SIRT3: variants seen among roughly 807,000 people sequenced by gnomAD.
The protein encoded by SIRT3 is sirtuin 3, also known as NAD-dependent protein deacetylase sirtuin-3, mitochondrial.
In SIRT3, 26 loss-of-function variants were observed where a neutral mutation model predicts 33.5. The observed-to-expected ratio is 0.78, with a 90% confidence interval of 0.57 to 1.08. The LOEUF is 1.08. Ranked by LOEUF, SIRT3 falls within the 50% of genes least tolerant of loss-of-function variation. SIRT3 has a pLI of 0.00. For missense variants in SIRT3, 585 were observed against 530.1 expected, an observed-to-expected ratio of 1.10 and a Z score of -1.02; for synonymous variants, 237 against 222.1, an observed-to-expected ratio of 1.07 and a Z score of -0.60.
chr11:216,184 T>C lies in SIRT3; in HGVS notation c.*514A>G, dbSNP rs1855627053. On this transcript the variant is annotated 3_prime_UTR_variant, in exon 7 of 7. Coordinates refer to ENST00000382743, the MANE Select transcript of SIRT3 (RefSeq NM_012239.6). ...TATTTCATGCTGGAAAGAACAGATT[T>C]TCTCTCATTAAAAATAGCCCCACTA... 1 of 154,118 alleles carries C rather than the reference T, an allele frequency of 6.5e-6. No individual in the cohort carries two copies. The highest frequency in any genetic ancestry group is 2.4e-5 in the African/African-American group (1 of 41,480). 9.5% of individuals were successfully genotyped at this position (154,118 alleles called of 1,614,324 possible).
chr11:223,606 T>G lies in SIRT3; in HGVS notation c.969+472A>C. On this transcript the variant is annotated intron_variant, in intron 5 of 6. Transcript: ENST00000382743. This position sits in a 1 kb window ranked among gnomAD's most constrained non-coding sequence, Gnocchi z 4.8. ...ACCTGGGAGGCCCTGCCCCTCCACC[T>G]CGCCCCCACACCCCCATCCTTCTCC... The G allele has an allele frequency of 2.9e-6, 1 of 349,638 alleles. No homozygotes were observed. The allele number at this position is 349,638 out of a possible 1,614,324, so 21.7% of individuals were successfully genotyped here. A position where few individuals can be genotyped will look rare whatever the true frequency, so the allele number is the denominator to read the frequency against.
At chr11:235,885 C>T (rs1021562245) in intron 1 of SIRT3, among the ~76,000 whole-genome samples, 163 bp downstream of exon 1, 18 of 152,126 alleles carry the variant, frequency 1.2e-4, no homozygotes, top group African/African-American at 4.1e-4. Context: ...ACGACAAAAC[C>T]CCCATAAGTG....
chr11:217,921 C>A (rs1411253177), intron 6 of SIRT3, among the ~76,000 whole-genome samples: 1 of 152,210 alleles, frequency 6.6e-6, no homozygotes, highest in East Asian at 1.9e-4. Context: ...TTCCCACACT[C>A]TTCTTCTGAT....
rs752654725 is a variant in SIRT3, at chr11:218,964, C to T, written c.1047G>A (p.Gly349=). Residue 349 remains glycine (G), a synonymous_variant, in exon 6 of 7, where the codon GGG becomes GGA. Transcript: ENST00000382743. ...PRLLINRDLV[G]PLAWHPRSRD... ...TGCTGCGAGGATGCCAAGCCAAGGG[C>T]CCCACCAAGTCCCGGTTGATGAGCA... The T allele has an allele frequency of 1.2e-6, 2 of 1,614,172 alleles. No individual in the cohort carries two copies. The highest frequency in any genetic ancestry group is 1.7e-6 in the Non-Finnish European group (2 of 1,180,034).
In SIRT3 at chr11:216,463, A is replaced by G; in HGVS notation, c.*235T>C. The G allele has an allele frequency of 1.8e-6, 1 of 551,852 alleles. No homozygotes were observed. Among genetic ancestry groups the G allele is most frequent in the Non-Finnish European group, 3.2e-6 (1 of 309,296 alleles). The allele number at this position is 551,852 out of a possible 1,614,324, so 34.2% of individuals were successfully genotyped here. On this transcript the variant is annotated 3_prime_UTR_variant, in exon 7 of 7. Transcript: ENST00000382743. ...CAGAGTGAAGAGTTCAACACAGCAA[A>G]CAGGCAGGCAGCTCCTTTGTATATG...
At chr11:220,322 C>A (rs1465099279) in intron 5 of SIRT3, among the ~76,000 whole-genome samples, 2 of 113,142 alleles carry the variant, frequency 1.8e-5, no homozygotes, top group African/African-American at 6.7e-5. Context: ...CAGAGCAAGA[C>A]TCTGTCTCAA....
chr11:224,352 A>C (rs1856867854), intron 4 of SIRT3, 113 bp from the exon 5 acceptor site: 1 of 1,168,202 alleles, frequency 8.6e-7, no homozygotes, highest in African/African-American at 1.5e-5. Context: ...AAGGTGAGAG[A>C]GGGATCATGA....
At chr11:219,972 A>C (rs1293553116) in intron 5 of SIRT3, among the ~76,000 whole-genome samples, 1 of 152,250 alleles carries the variant, frequency 6.6e-6, no homozygotes, top group East Asian at 1.9e-4. Context: ...TATATTGCTA[A>C]TTGATAAACT....
rs773426785 is a variant in SIRT3, at chr11:233,131, AAAG to A, written c.555_557del (p.Phe186del). The A allele has an allele frequency of 1.9e-6, 3 of 1,614,040 alleles. No homozygotes were observed. Among genetic ancestry groups the A allele is most frequent in the East Asian group, 2.2e-5 (1 of 44,904 alleles). On this transcript the variant is annotated inframe_deletion, in exon 3 of 7. Coordinates refer to ENST00000382743, the MANE Select transcript of SIRT3 (RefSeq NM_012239.6). ...AAGTGAAAAAGGGCTTGGGGTTGTGAAAGAAGAATGGGAGTTCAAAAATGGCCT... is the reference window on the plus strand; with the variant it reads ...AAGTGAAAAAGGGCTTGGGGTTGTGAAAGAATGGGAGTTCAAAAATGGCCT...
At chr11:230,211 CAA>C (rs752924694) in intron 4 of SIRT3, among the ~76,000 whole-genome samples, 2 of 113,630 alleles carry the variant, frequency 1.8e-5, no homozygotes. Flanking sequence ...GACTCAATCT[CAA>C]AAAAAAAAAA....
rs558346291 is a variant in SIRT3, at chr11:217,519, A to T, written c.1180-801T>A. 6.9e-4 allele frequency among the ~76,000 whole-genome samples: 105 copies of T among 152,348 alleles called. 1 individual carries two copies. The Middle Eastern group carries it at 0.014, about 20-fold the overall frequency. ...AAAAAGCCTGCTGGGCTGATCTAAG[A>T]TCTCCGCTGCCTTGTGAGCTGGCCA... On this transcript the variant is annotated intron_variant, in intron 6 of 6. Transcript: ENST00000382743.
chr11:219,135 G>C, intron 5 of SIRT3, 94 bp from the exon 6 acceptor site: 1 of 1,433,302 alleles, frequency 7.0e-7, no homozygotes, highest in Non-Finnish European at 9.4e-7. Context: ...TGGAGGAGCA[G>C]CAGATTGGCA....
chr11:216,850 T>C, intron 6 of SIRT3, 132 bp from the exon 7 acceptor site: 1 of 964,716 alleles, frequency 1.0e-6, no homozygotes, highest in East Asian at 2.4e-5. Flanking sequence ...CTGCAAATAC[T>C]GCTGCTGCTG....
rs202155071 is a variant in SIRT3 at position 219,059 on chromosome 11, C to G, written c.970-18G>C. 3 of 1,599,830 alleles carry G rather than the reference C, an allele frequency of 1.9e-6. No homozygotes were observed. In the East Asian group the frequency reaches 6.8e-5, roughly 36 times the overall value. ...GGCTCCACCTGAAAAATGGGCCAAA[C>G]GTGAGGGGCACAGTGTCCACTTTAC... On this transcript the variant is annotated intron_variant, in intron 5 of 6. Coordinates refer to ENST00000382743, the MANE Select transcript of SIRT3 (RefSeq NM_012239.6).
intron 5 of SIRT3, among the ~76,000 whole-genome samples, chr11:220,347 A>AG (rs1177520811): frequency 2.7e-5 from 4 of 150,290 alleles, no homozygotes; most frequent in Admixed American, 6.6e-5. Context: ...AAAAAAAAAA[A>AG]AAAGAAAGAA....
chr11:236,906 AGCGGGGCCC>A, upstream of SIRT3: 1 of 697,642 alleles, frequency 1.4e-6, no homozygotes, highest in Non-Finnish European at 2.5e-6. Context: ...CCGAGCAACC[AGCGGGGCCC>A]GCCCCCGGCC....
chr11:225,817 G>C (rs898583384), intron 4 of SIRT3: 8 of 152,250 alleles, frequency 5.3e-5, no homozygotes, highest in African/African-American at 1.4e-4. Context: ...TATCCGAAGA[G>C]ATAACGGCAG....
At position 233,362 on chromosome 11, in the gene SIRT3, T is replaced by C; in HGVS notation, c.454A>G (p.Ser152Gly). Reference sequence around the variant, plus strand: ...CAGTACCTGAAGTCTGGAATGCCACTGGGTGTGCTGATGCCGGCCCCCACC... The same window carrying C: ...CAGTACCTGAAGTCTGGAATGCCACCGGGTGTGCTGATGCCGGCCCCCACC... ...VMVGAGISTPSGIPDFRSPGS... is the reference protein window; with the variant it reads ...VMVGAGISTPGGIPDFRSPGS... The change falls in exon 2 of 7, where the codon AGT becomes GGT. Residue 152 changes from serine to glycine, a missense_variant. Coordinates refer to ENST00000382743, the MANE Select transcript of SIRT3 (RefSeq NM_012239.6). The C allele has an allele frequency of 6.2e-7, 1 of 1,613,796 alleles. No individual in the cohort carries two copies. The highest frequency in any genetic ancestry group is 8.5e-7 in the Non-Finnish European group (1 of 1,179,868).
At position 232,156 on chromosome 11, in the gene SIRT3, C is replaced by T. The variant is rs191628511; in HGVS notation, c.706+827G>A. 1.2e-3 allele frequency among the ~76,000 whole-genome samples: 184 copies of T among 152,054 alleles called. No individual in the cohort carries two copies. In the Middle Eastern group the frequency reaches 0.014, roughly 11 times the overall value. ...TTTTTGAGACAGAATCTCCCTCTGT[C>T]GCCCAGGCTGGAGTGAAGTGGCACG... On this transcript the variant is annotated intron_variant, in intron 3 of 6. Coordinates refer to ENST00000382743, the MANE Select transcript of SIRT3 (RefSeq NM_012239.6).
Sources: allele counts gnomAD v4.1 joint callset (sites outside exome capture counted in the v4.1 genomes callset), GRCh38; gene constraint gnomAD v4.1.1; non-coding constraint Gnocchi (gnomAD v3.1); transcripts MANE v1.5; gene names NCBI Gene and HGNC (gene_info 2026-07-23, HGNC 2026-07-21).